FANCA: variants seen among roughly 807,000 people sequenced by gnomAD.
FANCA encodes the protein FA complementation group A.
A neutral mutation model predicts 194.3 loss-of-function variants in FANCA; 236 were observed. The ratio of observed to expected loss-of-function variants is 1.21; its 90% CI spans 1.09 to 1.35. The LOEUF is 1.35. Ranked by LOEUF, FANCA falls within the 40% of genes most tolerant of loss-of-function variation. The pLI is 0.00. For missense variants in FANCA, 2,628 were observed against 1,813.9 expected, an observed-to-expected ratio of 1.45 and a Z score of -8.15; for synonymous variants, 1,014 against 715.8, an observed-to-expected ratio of 1.42 and a Z score of -6.65.
At chr16:89,789,330 C>G (rs559894337) in intron 14 of FANCA, among the ~76,000 whole-genome samples, 1 of 151,408 alleles carries the variant, frequency 6.6e-6, no homozygotes, top group South Asian at 2.1e-4. Flanking sequence ...GCACCGCAGC[C>G]ACGATGGCGA....
At chr16:89,768,181 G>A (rs1336802059) in intron 26 of FANCA, among the ~76,000 whole-genome samples, 1 of 152,078 alleles carries the variant, frequency 6.6e-6, no homozygotes, top group African/African-American at 2.4e-5. Flanking sequence ...GGGAGGCTGA[G>A]GTGGGAAGAT....
At position 89,744,977 on chromosome 16, in the gene FANCA, CCTT is replaced by C. The variant is rs1380850249; in HGVS notation, c.3605_3607del (p.Glu1202del). On this transcript the variant is annotated inframe_deletion, in exon 36 of 43. Transcript: ENST00000389301. ...CACGTACTCGCTGGCAAACTGCCGG[CCTT>C]CTTGTAGCTTCTGCAGTTCCCGGGG... 24 of 1,611,890 alleles carry C rather than the reference CCTT, an allele frequency of 1.5e-5. No homozygotes were observed. Among genetic ancestry groups the C allele is most frequent in the Non-Finnish European group, 2.0e-5 (24 of 1,179,858 alleles).
At chr16:89,798,655 G>C (rs753960399) in intron 10 of FANCA, 11 of 1,228,804 alleles carry the variant, frequency 9.0e-6, no homozygotes, top group African/African-American at 1.5e-5. Flanking sequence ...GACCTGTAAG[G>C]GTCTCCGCAC....
intron 17 of FANCA, among the ~76,000 whole-genome samples, chr16:89,782,269 T>TG (rs1048172654): frequency 3.4e-4 from 51 of 151,884 alleles, no homozygotes; most frequent in African/African-American, 1.1e-3. Context: ...CCCAGCACTT[T>TG]GAGAGGCCAA....
rs368953287 is a variant in FANCA, at chr16:89,758,600, G to A, written c.2958C>T (p.Asn986=). ...ACCTTTGGTGGAAATCCATCAGTGC[G>A]TTGACAAGAATGGTACACGCAGCCT... ...DLQAACTILV[N]ALMDFHQSSR... is the part of the protein sequence containing the mutation. The change falls in exon 30 of 43, where the codon AAC becomes AAT. Residue 986 remains asparagine, a synonymous_variant. Coordinates refer to ENST00000389301, the MANE Select transcript of FANCA (RefSeq NM_000135.4). 5.5e-5 allele frequency: 88 copies of A among 1,613,778 alleles called. No individual in the cohort carries two copies. Among genetic ancestry groups the A allele is most frequent in the Middle Eastern group, 3.3e-4 (2 of 6,082 alleles).
Position 89,746,640 on chromosome 16 carries a change from C to T in FANCA, c.3457G>A (p.Asp1153Asn), listed in dbSNP as rs753036862. Residue 1153 changes from aspartate to asparagine, a missense_variant, in exon 35 of 43, where the codon GAC becomes AAC. Asp to Asn is a conservative substitution (Grantham distance 23). Coordinates refer to ENST00000389301, the MANE Select transcript of FANCA (RefSeq NM_000135.4). ...LRSRDPSLMV[D>N]FILAKCQTKC... ...GTCTGGCACTTGGCCAGTATGAAGTCGACCATCAGGGAGGGGTCTCTGCTC... is the reference window on the plus strand; with the variant it reads ...GTCTGGCACTTGGCCAGTATGAAGTTGACCATCAGGGAGGGGTCTCTGCTC... 7.4e-6 allele frequency: 12 copies of T among 1,614,014 alleles called. No individual in the cohort carries two copies. The highest frequency in any genetic ancestry group is 4.4e-5 in the South Asian group (4 of 91,048).
At chr16:89,767,052 G>C in intron 27 of FANCA, 89 bp downstream of exon 27, 1 of 1,052,290 alleles carries the variant, frequency 9.5e-7, no homozygotes, top group Admixed American at 1.7e-5. Context: ...TGGGCACAAA[G>C]CGGCAGCAGA....
intron 11 of FANCA, 102 bp downstream of exon 11, chr16:89,795,804 G>A: frequency 1.1e-5 from 9 of 825,258 alleles, no homozygotes; most frequent in Non-Finnish European, 1.9e-5. Flanking sequence ...CGTAAAAGAG[G>A]TCCTAGAATT....
chr16:89,770,242 G>A lies in FANCA; in HGVS notation c.2240C>T (p.Ala747Val). 1 of 1,581,666 alleles carries A rather than the reference G, an allele frequency of 6.3e-7. No homozygotes were observed. The highest frequency in any genetic ancestry group is 8.6e-7 in the Non-Finnish European group (1 of 1,163,942). ...APPERQGPWA[A>V]LFVRTMCGRV... The stretch of plus-strand genomic sequence containing the variant: ...TCCACACATGGTCCTCACGAAGAGG[G>A]CAGCCCAGGGACCCTGCCTGCAGAG... The change falls in exon 25 of 43, where the codon GCC becomes GTC. Residue 747 changes from alanine (A) to valine (V), a missense_variant. Ala to Val is a moderately conservative substitution (Grantham distance 64). Coordinates refer to ENST00000389301, the MANE Select transcript of FANCA (RefSeq NM_000135.4).
intron 10 of FANCA, chr16:89,798,519 G>C (rs186269745): frequency 9.0e-7 from 1 of 1,105,018 alleles, no homozygotes; most frequent in Non-Finnish European, 1.1e-6. Flanking sequence ...AATTCTACTG[G>C]TTTCTCAAGA....
chr16:89,771,338 A>G (rs1418978096), intron 23 of FANCA, among the ~76,000 whole-genome samples: 1 of 151,992 alleles, frequency 6.6e-6, no homozygotes, highest in Non-Finnish European at 1.5e-5. Flanking sequence ...GCACGCCTGT[A>G]GTCCCAGCTA....
Position 89,738,287 on chromosome 16 carries a change from C to G in FANCA, c.*314G>C, listed in dbSNP as rs200757877. 3 of 1,549,812 alleles carry G rather than the reference C, an allele frequency of 1.9e-6. No individual in the cohort carries two copies. The African/African-American group carries it at 4.1e-5, about 21-fold the overall frequency. Reference sequence around the variant, plus strand: ...TGAGCACCTCTAGCAGCCTGGACTCCGCAGTGGCTGTGTCAGCCTCACCCT... The same window carrying G: ...TGAGCACCTCTAGCAGCCTGGACTCGGCAGTGGCTGTGTCAGCCTCACCCT... On this transcript the variant is annotated 3_prime_UTR_variant, in exon 43 of 43. Coordinates refer to ENST00000389301, the MANE Select transcript of FANCA (RefSeq NM_000135.4).
intron 35 of FANCA, 58 bp downstream of exon 35, chr16:89,746,526 G>A: frequency 3.7e-6 from 5 of 1,335,618 alleles, no homozygotes; most frequent in Middle Eastern, 1.8e-4. Flanking sequence ...GCCAGAGGCA[G>A]CTGTGGAGTC....
At chr16:89,760,531 T>C (rs1387032804) in intron 29 of FANCA, among the ~76,000 whole-genome samples, 3 of 152,102 alleles carry the variant, frequency 2.0e-5, no homozygotes, top group Non-Finnish European at 4.4e-5. Context: ...CCCACCAGGA[T>C]ACTCCATATC....
intron 17 of FANCA, among the ~76,000 whole-genome samples, chr16:89,780,693 C>T (rs1377713853): frequency 1.3e-5 from 2 of 151,206 alleles, no homozygotes; most frequent in Non-Finnish European, 2.9e-5. Context: ...TTTTGGGGGG[C>T]CAAGGCGGAA....
chr16:89,790,281 C>G (rs2040024188), intron 14 of FANCA, among the ~76,000 whole-genome samples: 1 of 151,768 alleles, frequency 6.6e-6, no homozygotes, highest in Non-Finnish European at 1.5e-5. Flanking sequence ...GTAACCCCAG[C>G]TACTCGGGAG....
intron 14 of FANCA, among the ~76,000 whole-genome samples, chr16:89,787,280 T>A (rs2039929839): frequency 6.6e-6 from 1 of 151,916 alleles, no homozygotes; most frequent in South Asian, 2.1e-4. Context: ...TCCCAACACT[T>A]TGGGAGGCTG....
intron 14 of FANCA, among the ~76,000 whole-genome samples, chr16:89,787,786 G>A (rs948793046): frequency 6.6e-6 from 1 of 151,766 alleles, no homozygotes; most frequent in African/African-American, 2.4e-5. Flanking sequence ...TACATAATGT[G>A]ATATGCTGAG....
chr16:89,787,709 C>T (rs1231330361), intron 14 of FANCA, among the ~76,000 whole-genome samples: 1 of 151,834 alleles, frequency 6.6e-6, no homozygotes, highest in Non-Finnish European at 1.5e-5. Context: ...ACATCCCAGC[C>T]TGGGAGACAG....
Sources: gnomAD v4.1 joint callset for allele counts (sites outside exome capture counted in the v4.1 genomes callset) on GRCh38, gnomAD v4.1.1 for gene constraint, MANE v1.5 for transcripts, NCBI Gene and HGNC (gene_info 2026-07-23, HGNC 2026-07-21) for gene names.